The following UNC13C variants were observed in gnomAD, a reference collection of about 807,000 sequenced individuals.
UNC13C encodes the protein protein unc-13 homolog C.
A neutral mutation model predicts 245.4 loss-of-function variants in UNC13C; 174 were observed. The observed-to-expected ratio is 0.71, with a 90% CI of 0.63 to 0.80. The LOEUF (loss-of-function observed/expected upper bound fraction) is 0.80. Among genes scored for constraint, UNC13C ranks in the 30% least tolerant of loss-of-function variants. UNC13C has a pLI of 0.00. For missense variants in UNC13C, 2,829 were observed against 2,602.9 expected, an observed-to-expected ratio of 1.09 and a Z score of -1.89; for synonymous variants, 992 against 895.1, an observed-to-expected ratio of 1.11 and a Z score of -1.93.
chr15:54,625,401 C>G (rs752835366), intron 32 of UNC13C, among the ~76,000 whole-genome samples: 5 of 152,076 alleles, frequency 3.3e-5, no homozygotes, highest in African/African-American at 4.8e-5. Context: ...TGAATAAAAT[C>G]AAAGATGATC....
intron 20 of UNC13C, among the ~76,000 whole-genome samples, chr15:54,495,839 C>T (rs1449801886): frequency 6.6e-6 from 1 of 151,888 alleles, no homozygotes. Context: ...GAAATTAGAA[C>T]AGCCCTTTAA....
intron 2 of UNC13C, among the ~76,000 whole-genome samples, chr15:54,036,279 T>G (rs1316604172): frequency 1.3e-5 from 2 of 152,194 alleles, no homozygotes; most frequent in Non-Finnish European, 2.9e-5. Flanking sequence ...GAGGTGCGAC[T>G]GACACTACTG....
At chr15:54,563,457 T>C (rs562194455) in intron 29 of UNC13C, among the ~76,000 whole-genome samples, 126 of 152,152 alleles carry the variant, frequency 8.3e-4, no homozygotes, top group African/African-American at 3.0e-3. Context: ...TGCCCATTTT[T>C]TCCTGCTACA....
At chr15:54,179,219 AAT>A (rs1247794811) in intron 4 of UNC13C, among the ~76,000 whole-genome samples, 4 of 152,116 alleles carry the variant, frequency 2.6e-5, no homozygotes, top group African/African-American at 9.7e-5. Context: ...ATGTTTCCTT[AAT>A]ATATGATATG....
chr15:53,886,988 G>A, the UNC13C span, among the ~76,000 whole-genome samples: 2 of 152,120 alleles, frequency 1.3e-5, no homozygotes. Context: ...ACAGCCAAGA[G>A]GTGCCCATGG....
At chr15:54,151,561 C>T (rs2032517868) in intron 4 of UNC13C, among the ~76,000 whole-genome samples, 3 of 152,040 alleles carry the variant, frequency 2.0e-5, no homozygotes, top group Non-Finnish European at 4.4e-5. Context: ...TGCCATCATG[C>T]CTGGCTAATT....
the UNC13C span, among the ~76,000 whole-genome samples, chr15:53,880,919 G>A: frequency 6.6e-6 from 1 of 152,132 alleles, no homozygotes; most frequent in African/African-American, 2.4e-5. Flanking sequence ...GTGAGAGTCT[G>A]AATTTGGAAG....
intron 19 of UNC13C, among the ~76,000 whole-genome samples, chr15:54,492,863 T>C (rs1893780565): frequency 6.6e-6 from 1 of 152,176 alleles, no homozygotes; most frequent in South Asian, 2.1e-4. Context: ...CACCTTTTGA[T>C]TCTAGGACAC....
intron 14 of UNC13C, among the ~76,000 whole-genome samples, chr15:54,329,707 T>A (rs1384529376): frequency 6.6e-6 from 1 of 152,072 alleles, no homozygotes; most frequent in East Asian, 1.9e-4. Context: ...GCAGCATACT[T>A]TTAATTTCAC....
chr15:54,597,182 A>G (rs1017915665), intron 30 of UNC13C, among the ~76,000 whole-genome samples: 3 of 152,072 alleles, frequency 2.0e-5, no homozygotes, highest in East Asian at 1.9e-4. Context: ...CAGGAGGTGG[A>G]GCTCAGGTGG....
chr15:54,609,823 G>T (rs969320179), intron 30 of UNC13C, among the ~76,000 whole-genome samples: 11 of 152,152 alleles, frequency 7.2e-5, no homozygotes, highest in Non-Finnish European at 1.3e-4. Flanking sequence ...CAGCATGGCT[G>T]GGGAGGCCTC....
chr15:54,616,787 G>A (rs1900466386), intron 30 of UNC13C, among the ~76,000 whole-genome samples: 1 of 151,938 alleles, frequency 6.6e-6, no homozygotes, highest in Non-Finnish European at 1.5e-5. Flanking sequence ...TCTGCAGGGG[G>A]TACAATAATG....
Position 54,300,322 on chromosome 15 carries a change from T to C in UNC13C, c.4217T>C (p.Val1406Ala). 1.9e-6 allele frequency: 3 copies of C among 1,584,866 alleles called. 1 individual carries two copies. The highest frequency in any genetic ancestry group is 2.3e-5 in the South Asian group (2 of 86,882). ...TTTGATGATGCTTCCCAAGAAATAGTTGATGAATTTGCTATGCGTTATGGA... is the reference window on the plus strand; with the variant it reads ...TTTGATGATGCTTCCCAAGAAATAGCTGATGAATTTGCTATGCGTTATGGA... The part of the protein sequence containing the change: ...VFFDDASQEI[V>A]DEFAMRYGIE... The change falls in exon 13 of 33, where the codon GTT (valine) becomes GCT (alanine). Residue 1406 changes from valine (V) to alanine (A), a missense_variant. Coordinates refer to ENST00000260323, the MANE Select transcript of UNC13C (RefSeq NM_001080534.3).
At chr15:54,321,177 A>C (rs2140978721) in intron 13 of UNC13C, 3 of 515,082 alleles carry the variant, frequency 5.8e-6, no homozygotes, top group South Asian at 4.2e-5. Context: ...GGCCATTCAC[A>C]GTAAGGTGTT....
At chr15:54,068,164 C>G (rs1482508953) in intron 2 of UNC13C, among the ~76,000 whole-genome samples, 1 of 152,140 alleles carries the variant, frequency 6.6e-6, no homozygotes, top group Non-Finnish European at 1.5e-5. Flanking sequence ...AATGTAGCAG[C>G]AACGTAACCT....
At chr15:54,386,100 T>C (rs571942288) in intron 17 of UNC13C, among the ~76,000 whole-genome samples, 2 of 152,302 alleles carry the variant, frequency 1.3e-5, no homozygotes, top group Admixed American at 1.3e-4. Context: ...TGTGAGGTGA[T>C]GGTTGCCGTC....
At chr15:54,538,409 A>C (rs1896092214) in intron 26 of UNC13C, among the ~76,000 whole-genome samples, 1 of 152,086 alleles carries the variant, frequency 6.6e-6, no homozygotes, top group African/African-American at 2.4e-5. Context: ...AATGTAAGTT[A>C]ATTCATCCAC....
At chr15:54,518,969 C>A (rs184002642) in intron 24 of UNC13C, among the ~76,000 whole-genome samples, 1 of 152,104 alleles carries the variant, frequency 6.6e-6, no homozygotes, top group Non-Finnish European at 1.5e-5. Context: ...TGTTATAAAA[C>A]GGGGATTCCT....
At chr15:53,879,160 C>G in the UNC13C span, among the ~76,000 whole-genome samples, 1 of 152,074 alleles carries the variant, frequency 6.6e-6, no homozygotes, top group African/African-American at 2.4e-5. Context: ...TTCATTCATT[C>G]ATTGATTCAT....
Sources: allele counts gnomAD v4.1 joint callset (sites outside exome capture counted in the v4.1 genomes callset), GRCh38; gene constraint gnomAD v4.1.1; transcripts MANE v1.5; gene names NCBI Gene and HGNC (gene_info 2026-07-23, HGNC 2026-07-21).